Variants in OPCML observed in about 807,000 individuals in gnomAD.
The protein encoded by OPCML is opioid-binding protein/cell adhesion molecule.
In OPCML, 13 loss-of-function variants were observed where a neutral mutation model predicts 37.8. That is an observed-to-expected ratio of 0.34 (90% CI 0.22 to 0.55). OPCML has a LOEUF of 0.55. Among genes scored for constraint, OPCML ranks in the 20% least tolerant of loss-of-function variants. OPCML has a pLI of 0.91. For synonymous variants in OPCML, 176 were observed against 168.8 expected, an observed-to-expected ratio of 1.04 and a Z score of -0.33; for missense variants, 341 against 435.6, an observed-to-expected ratio of 0.78 and a Z score of 1.93.
intron 3 of OPCML, among the ~76,000 whole-genome samples, chr11:132,654,386 C>G (rs1259252895): frequency 1.3e-5 from 2 of 151,662 alleles, no homozygotes; most frequent in Non-Finnish European, 1.5e-5. Flanking sequence ...AAGAGAAACT[C>G]CTCCCCAAGA....
chr11:133,264,198 G>A (rs1174346447), intron 1 of OPCML, among the ~76,000 whole-genome samples: 1 of 152,152 alleles, frequency 6.6e-6, no homozygotes, highest in African/African-American at 2.4e-5. Flanking sequence ...CAAGGACCAA[G>A]GCAAGTTAAT....
At chr11:133,487,821 A>G (rs1199283942) in intron 1 of OPCML, among the ~76,000 whole-genome samples, 1 of 151,758 alleles carries the variant, frequency 6.6e-6, no homozygotes, top group Non-Finnish European at 1.5e-5. Context: ...GTAAATTTAA[A>G]GTAATCCCAA....
intron 2 of OPCML, among the ~76,000 whole-genome samples, chr11:132,904,885 C>T (rs1386533762): frequency 1.3e-5 from 2 of 152,188 alleles, no homozygotes; most frequent in African/African-American, 2.4e-5. Flanking sequence ...TTTCTCTGGA[C>T]CTAAAACTAA....
At chr11:132,421,222 G>C in intron 7 of OPCML, among the ~76,000 whole-genome samples, 1 of 152,158 alleles carries the variant, frequency 6.6e-6, no homozygotes, top group East Asian at 1.9e-4. Context: ...TGGTACGCAA[G>C]ACTAGGAGCC....
rs1333818590 is a variant in OPCML, at chr11:133,205,303, C to T, written c.62-262293G>A. ...AAGAGGGCCTGGAAGCTCTACACCC[C>T]TCCCCGCTGCCTTGCCCCACACACC... On this transcript the variant is annotated intron_variant, in intron 1 of 7. Transcript: ENST00000524381. This position sits in a 1 kb window ranked among gnomAD's most constrained non-coding sequence, Gnocchi z 4.8. Among the ~76,000 whole-genome samples, 1 of 152,190 alleles carries T rather than the reference C, an allele frequency of 6.6e-6. No homozygotes were observed. Among genetic ancestry groups the T allele is most frequent in the Non-Finnish European group, 1.5e-5 (1 of 68,032 alleles).
intron 1 of OPCML, among the ~76,000 whole-genome samples, chr11:132,997,584 C>T (rs767258735): frequency 6.6e-6 from 1 of 152,130 alleles, no homozygotes; most frequent in Non-Finnish European, 1.5e-5. Flanking sequence ...CTCATGTGCT[C>T]CCTAGGCAAC....
chr11:132,786,759 G>A (rs533009056), intron 2 of OPCML, among the ~76,000 whole-genome samples: 1 of 152,254 alleles, frequency 6.6e-6, no homozygotes, highest in African/African-American at 2.4e-5. Flanking sequence ...ATCTGCTGAC[G>A]TGAATGCACT....
chr11:133,420,916 G>T (rs770417907), intron 1 of OPCML: 1 of 985,374 alleles, frequency 1.0e-6, no homozygotes, highest in Non-Finnish European at 1.2e-6. Flanking sequence ...CAGTAAAAAG[G>T]ATTACAGTGG....
At chr11:133,221,803 T>C (rs1370649830) in intron 1 of OPCML, among the ~76,000 whole-genome samples, 1 of 152,196 alleles carries the variant, frequency 6.6e-6, no homozygotes, top group Non-Finnish European at 1.5e-5. Flanking sequence ...GTCTCATAAT[T>C]ACACAACTCA....
chr11:132,712,726 A>G (rs1225669819), intron 2 of OPCML, among the ~76,000 whole-genome samples: 4 of 152,226 alleles, frequency 2.6e-5, no homozygotes, highest in Non-Finnish European at 4.4e-5. Context: ...CGGACCCACC[A>G]AAAAGCAATT....
At chr11:132,648,991 G>A (rs1298605054) in intron 3 of OPCML, among the ~76,000 whole-genome samples, 4 of 152,120 alleles carry the variant, frequency 2.6e-5, no homozygotes, top group African/African-American at 9.7e-5. Flanking sequence ...CATATTTGTG[G>A]GTAATGGGAT....
intron 1 of OPCML, among the ~76,000 whole-genome samples, chr11:133,175,998 T>C (rs190594026): frequency 2.2e-4 from 34 of 152,346 alleles, no homozygotes; most frequent in Admixed American, 7.2e-4. Context: ...GCATGAGTGA[T>C]ACCCATGAAG....
At chr11:132,639,409 C>A (rs1267662150) in intron 3 of OPCML, among the ~76,000 whole-genome samples, 1 of 152,182 alleles carries the variant, frequency 6.6e-6, no homozygotes, top group Non-Finnish European at 1.5e-5. Context: ...AAGGCAGGAG[C>A]CCTGCTGGAT....
intron 1 of OPCML, among the ~76,000 whole-genome samples, chr11:133,305,227 G>C (rs988251895): frequency 1.5e-4 from 23 of 152,186 alleles, no homozygotes; most frequent in Admixed American, 2.6e-4. Context: ...CTGTCTTAGA[G>C]GGATGTAATG....
intron 2 of OPCML, among the ~76,000 whole-genome samples, chr11:132,844,375 T>C (rs1413223710): frequency 6.6e-6 from 1 of 151,710 alleles, no homozygotes; most frequent in Non-Finnish European, 1.5e-5. Flanking sequence ...AGAAGTAGAG[T>C]GAGAACAAGA....
rs182180039 is a variant in OPCML at position 132,677,936 on chromosome 11, A to T, written c.147-20617T>A. ...TTAAAATTAAAAAATTCTGCTTTATAAAAGACACTGTCAAAAGAATTCAAA... is the reference window on the plus strand; with the variant it reads ...TTAAAATTAAAAAATTCTGCTTTATTAAAGACACTGTCAAAAGAATTCAAA... On this transcript the variant is annotated intron_variant, in intron 2 of 7. Coordinates refer to ENST00000524381, the MANE Select transcript of OPCML (RefSeq NM_001012393.5). Among the ~76,000 whole-genome samples, 80 of 152,294 alleles carry T rather than the reference A, an allele frequency of 5.3e-4. 1 individual carries two copies. Among genetic ancestry groups the T allele is most frequent in the African/African-American group, 1.9e-3 (79 of 41,572 alleles).
intron 1 of OPCML, among the ~76,000 whole-genome samples, chr11:133,209,597 C>G (rs747713865): frequency 2.0e-5 from 3 of 152,160 alleles, no homozygotes; most frequent in Non-Finnish European, 2.9e-5. Flanking sequence ...GCTTTCCCAA[C>G]CAGATCAGAA....
chr11:132,459,451 A>G (rs988645942), intron 4 of OPCML, among the ~76,000 whole-genome samples: 12 of 147,954 alleles, frequency 8.1e-5, no homozygotes, highest in African/African-American at 2.7e-4. Context: ...ATACATACAT[A>G]TCTACTTCCT....
intron 2 of OPCML, among the ~76,000 whole-genome samples, chr11:132,699,349 C>T (rs1040255347): frequency 3.9e-5 from 6 of 151,944 alleles, no homozygotes; most frequent in Non-Finnish European, 1.5e-5. Context: ...TATTTCTTTT[C>T]TTGTCTAATT....
Sources: gnomAD v4.1 joint callset for allele counts (sites outside exome capture counted in the v4.1 genomes callset) on GRCh38, gnomAD v4.1.1 for gene constraint, Gnocchi (gnomAD v3.1) non-coding constraint, MANE v1.5 for transcripts, NCBI Gene and HGNC (gene_info 2026-07-23, HGNC 2026-07-21) for gene names.